The following GPR173 variants were observed in gnomAD, a reference collection of about 807,000 sequenced individuals.
The protein encoded by GPR173 is G protein-coupled receptor 173, also known as probable G protein-coupled receptor 173.
A neutral mutation model predicts 13.9 loss-of-function variants in GPR173; 2 were observed. The ratio of observed to expected loss-of-function variants is 0.14; its 90% CI spans 0.06 to 0.45. GPR173 has a LOEUF of 0.45. Ranked by LOEUF, GPR173 falls within the 20% of genes least tolerant of loss-of-function variation. The probability of loss-of-function intolerance (pLI) is 0.98; values close to 1 mark genes in which losing one functional copy is unlikely to be tolerated. For synonymous variants in GPR173, 131 were observed against 141.0 expected (o/e 0.93, Z 0.50); for missense variants, 202 against 340.5 (o/e 0.59, Z 3.20).
At chrX:53,073,056 C>T (rs1270203918) in intron 1 of GPR173, among the ~76,000 whole-genome samples, 1 of 110,679 alleles carries the variant, frequency 9.0e-6, no homozygotes, top group Non-Finnish European at 1.9e-5. Context: ...AACCCTGTCT[C>T]TACTAAAAAT....
At chrX:53,064,414 C>A (rs782057980) in intron 1 of GPR173, among the ~76,000 whole-genome samples, 15 of 110,190 alleles carry the variant, frequency 1.4e-4, no homozygotes, top group African/African-American at 4.6e-4. Flanking sequence ...ACTAAAAATA[C>A]AAAAATTAGC....
Position 53,077,441 on chromosome X carries a change from G to T in GPR173, c.820G>T (p.Gly274Cys). Residue 274 changes from glycine (G) to cysteine (C), a missense_variant, in exon 2 of 2, where the codon GGC becomes TGC. Gly to Cys is a radical substitution (Grantham distance 159). This residue lies in a region of GPR173 where 76 missense variants were observed against 116.3 expected (regional missense o/e 0.65). Coordinates refer to ENST00000332582, the MANE Select transcript of GPR173 (RefSeq NM_018969.6). ...NGHAASRRLL[G>C]MDEVKGEKQL... is the part of the protein sequence containing the mutation. The stretch of plus-strand genomic sequence containing the variant: ...GCATGCAGCCAGCCGGCGGCTACTG[G>T]GCATGGACGAGGTCAAGGGTGAAAA... 1 of 1,209,453 alleles carries T rather than the reference G, an allele frequency of 8.3e-7. No homozygotes were observed. Among genetic ancestry groups the T allele is most frequent in the East Asian group, 3.0e-5 (1 of 33,763 alleles).
intron 1 of GPR173, 134 bp from the exon 2 acceptor site, chrX:53,076,389 CTT>C (rs1932431762): frequency 2.9e-6 from 1 of 340,040 alleles, no homozygotes; most frequent in Non-Finnish European, 5.1e-6. Context: ...CTCTCTCTCT[CTT>C]TCCCACTTTG....
intron 1 of GPR173, among the ~76,000 whole-genome samples, chrX:53,059,015 C>T (rs782231486): frequency 5.5e-5 from 6 of 108,246 alleles, no homozygotes; most frequent in African/African-American, 1.3e-4. Flanking sequence ...TTTGGGAGGC[C>T]GAGGCGGGCG....
At chrX:53,050,799 G>A (rs1931946808) in intron 1 of GPR173, among the ~76,000 whole-genome samples, 1 of 112,075 alleles carries the variant, frequency 8.9e-6, no homozygotes, top group Non-Finnish European at 1.9e-5. Context: ...GTGGAAGGGA[G>A]GCAGGAGAAG....
intron 1 of GPR173, among the ~76,000 whole-genome samples, chrX:53,067,150 T>C (rs1932193753): frequency 8.9e-6 from 1 of 112,128 alleles, no homozygotes. Flanking sequence ...AATGAAAACC[T>C]TTCTGATTGA....
chrX:53,059,979 C>T (rs781803485), intron 1 of GPR173, among the ~76,000 whole-genome samples: 9 of 104,546 alleles, frequency 8.6e-5, no homozygotes, highest in African/African-American at 3.1e-4. Flanking sequence ...CAGAGCGAGA[C>T]CCTGTCTCAA....
At chrX:53,070,070 TGTAA>T (rs1488778577) in intron 1 of GPR173, among the ~76,000 whole-genome samples, 1 of 111,558 alleles carries the variant, frequency 9.0e-6, no homozygotes, top group Non-Finnish European at 1.9e-5. Flanking sequence ...TGCTGGCATA[TGTAA>T]GTAACTTTGA....
Position 53,049,075 on chromosome X carries a change from T to C in GPR173, c.-507T>C, listed in dbSNP as rs868969641. On this transcript the variant is annotated 5_prime_UTR_variant, in exon 1 of 2. Coordinates refer to ENST00000332582, the MANE Select transcript of GPR173 (RefSeq NM_018969.6). Reference sequence around the variant, plus strand: ...GCAGACGGAGGGGGGGGGTGGGGGGTGGGGGGGGTAGGGGGACCGGCAGCC... The same window carrying C: ...GCAGACGGAGGGGGGGGGTGGGGGGCGGGGGGGGTAGGGGGACCGGCAGCC... 1 of 12,036 alleles carries C rather than the reference T, an allele frequency of 8.3e-5. No homozygotes were observed. The highest frequency in any genetic ancestry group is 1.6e-4 in the Non-Finnish European group (1 of 6,426). 1.0% of individuals were successfully genotyped at this position (12,036 alleles called of 1,213,427 possible).
At chrX:53,051,200 C>T (rs918302688) in intron 1 of GPR173, among the ~76,000 whole-genome samples, 24 of 110,181 alleles carry the variant, frequency 2.2e-4, no homozygotes, top group Non-Finnish European at 1.9e-5. Flanking sequence ...GGGGGAAGAA[C>T]GGGGTCTGCT....
At position 53,049,058 on chromosome X, in the gene GPR173, A is replaced by AGGGGGGG. The variant is rs782436092; in HGVS notation, c.-521_-515dup. The stretch of plus-strand genomic sequence containing the variant: ...AAGGCGGCGGCCAGCAGGCAGACGG[A>AGGGGGGG]GGGGGGGGGTGGGGGGTGGGGGGGG... On this transcript the variant is annotated 5_prime_UTR_variant, in exon 1 of 2. Coordinates refer to ENST00000332582, the MANE Select transcript of GPR173 (RefSeq NM_018969.6). 2 of 31,052 alleles carry AGGGGGGG rather than the reference A, an allele frequency of 6.4e-5. No individual in the cohort carries two copies. The highest frequency in any genetic ancestry group is 8.4e-5 in the African/African-American group (1 of 11,890). The allele number at this position is 31,052 out of a possible 1,213,427, so 2.6% of individuals were successfully genotyped here.
intron 1 of GPR173, among the ~76,000 whole-genome samples, chrX:53,069,170 G>A (rs1932225873): frequency 9.4e-6 from 1 of 106,377 alleles, no homozygotes; most frequent in Admixed American, 1.0e-4. Context: ...ATGTTAGCCG[G>A]GCTGGTCTCC....
intron 1 of GPR173, among the ~76,000 whole-genome samples, chrX:53,075,205 C>G (rs190608928): frequency 3.2e-4 from 34 of 107,059 alleles, no homozygotes; most frequent in Non-Finnish European, 6.1e-4. Flanking sequence ...TTGCTCTGGC[C>G]GTTCCCCCTG....
chrX:53,051,099 G>A (rs1203580062), intron 1 of GPR173, among the ~76,000 whole-genome samples: 2 of 112,053 alleles, frequency 1.8e-5, no homozygotes, highest in African/African-American at 3.2e-5. Context: ...CTGAGATCAC[G>A]GGGCTTCGGG....
Position 53,076,643 on chromosome X carries a change from C to T in GPR173, c.22C>T (p.Pro8Ser). Reference sequence around the variant, plus strand: ...CAGTATGGCCAACACTACCGGAGAGCCTGAGGAGGTGAGCGGCGCTCTGTC... The same window carrying T: ...CAGTATGGCCAACACTACCGGAGAGTCTGAGGAGGTGAGCGGCGCTCTGTC... MANTTGE[P>S]EEVSGALSPP... Residue 8 changes from proline (P) to serine (S), a missense_variant, in exon 2 of 2, where the codon CCT becomes TCT. Pro to Ser is a moderately conservative substitution (Grantham distance 74). Coordinates refer to ENST00000332582, the MANE Select transcript of GPR173 (RefSeq NM_018969.6). 1 of 1,194,150 alleles carries T rather than the reference C, an allele frequency of 8.4e-7. No individual in the cohort carries two copies. The highest frequency in any genetic ancestry group is 1.1e-6 in the Non-Finnish European group (1 of 884,764).
At chrX:53,062,961 A>G (rs782417869) in intron 1 of GPR173, among the ~76,000 whole-genome samples, 1 of 111,543 alleles carries the variant, frequency 9.0e-6, no homozygotes, top group South Asian at 3.7e-4. Flanking sequence ...CAGTCCACCC[A>G]GCAGCTCTCA....
intron 1 of GPR173, among the ~76,000 whole-genome samples, chrX:53,051,387 C>T (rs893152733): frequency 9.0e-6 from 1 of 110,991 alleles, no homozygotes; most frequent in East Asian, 2.8e-4. Context: ...GGGAGAGGAC[C>T]TGGTCTGTGG....
intron 1 of GPR173, among the ~76,000 whole-genome samples, chrX:53,073,220 C>CT (rs1406290982): frequency 1.1e-5 from 1 of 92,591 alleles, no homozygotes; most frequent in Non-Finnish European, 2.1e-5. Context: ...GGGAGACTGT[C>CT]TAAAAAAAAA....
chrX:53,077,286 T>C lies in GPR173; in HGVS notation c.665T>C (p.Met222Thr). 1 of 1,186,503 alleles carries C rather than the reference T, an allele frequency of 8.4e-7. No homozygotes were observed. Among genetic ancestry groups the C allele is most frequent in the Non-Finnish European group, 1.1e-6 (1 of 882,151 alleles). Residue 222 changes from methionine to threonine, a missense_variant, in exon 2 of 2, where the codon ATG (methionine) becomes ACG (threonine). By Grantham distance (81) the Met-to-Thr change is moderately conservative. Coordinates refer to ENST00000332582, the MANE Select transcript of GPR173 (RefSeq NM_018969.6). The part of the protein sequence containing the change: ...YRHRKMKPVQ[M>T]VPAISQNWTF... Reference sequence around the variant, plus strand: ...CACCGCAAGATGAAGCCAGTGCAGATGGTGCCAGCCATCAGCCAGAACTGG... The same window carrying C: ...CACCGCAAGATGAAGCCAGTGCAGACGGTGCCAGCCATCAGCCAGAACTGG...
Sources: allele counts gnomAD v4.1 joint callset (sites outside exome capture counted in the v4.1 genomes callset), GRCh38; gene constraint gnomAD v4.1.1; regional missense constraint gnomAD v4.1.1; transcripts MANE v1.5; gene names NCBI Gene and HGNC (gene_info 2026-07-23, HGNC 2026-07-21).